Variants in PKM observed in about 807,000 individuals in gnomAD.
PKM encodes pyruvate kinase PKM.
A neutral mutation model predicts 49.8 loss-of-function variants in PKM; 18 were observed. That is an observed-to-expected ratio of 0.36 (90% CI 0.25 to 0.54). PKM has a LOEUF of 0.54. Among genes scored for constraint, PKM ranks in the 20% least tolerant of loss-of-function variants. The probability of loss-of-function intolerance (pLI) is 0.89; values close to 1 mark genes in which losing one functional copy is unlikely to be tolerated. For missense variants in PKM, 508 were observed against 713.8 expected (o/e 0.71, Z 3.28); for synonymous variants, 239 against 261.8 (o/e 0.91, Z 0.84).
Position 72,202,176 on chromosome 15 carries a change from C to A in PKM, c.1307+278G>T. The A allele has an allele frequency of 8.1e-6, 4 of 491,212 alleles. No homozygotes were observed. Among genetic ancestry groups the A allele is most frequent in the East Asian group, 3.6e-5 (1 of 27,584 alleles). The allele number at this position is 491,212 out of a possible 1,614,324, so 30.4% of individuals were successfully genotyped here. On this transcript the variant is annotated intron_variant, in intron 9 of 10. Coordinates refer to ENST00000335181, the MANE Select transcript of PKM (RefSeq NM_002654.6). This position sits in a 1 kb window ranked among gnomAD's most constrained non-coding sequence, Gnocchi z 4.5. ...GACTAAATTTTCAATATCAAATAAC[C>A]ATTTGTAGTCAGCCTGTGCACTGTT... is the stretch of plus-strand genomic sequence containing the variant.
Position 72,199,674 on chromosome 15 carries a change from G to A in PKM, c.1572C>T (p.Thr524=), listed in dbSNP as rs149525472. 5.6e-6 allele frequency: 9 copies of A among 1,612,740 alleles called. No individual in the cohort carries two copies. The highest frequency in any genetic ancestry group is 7.6e-6 in the Non-Finnish European group (9 of 1,179,002). Residue 524 remains threonine, a synonymous_variant, in exon 11 of 11, where the codon ACC becomes ACT. Coordinates refer to ENST00000335181, the MANE Select transcript of PKM (RefSeq NM_002654.6). The part of the protein sequence containing the change: ...GWRPGSGFTN[T]MRVVPVP ...ATCACGGCACAGGAACAACACGCATGGTGTTGGTGAAGCCGGAGCCAGGGC... is the reference window on the plus strand; with the variant it reads ...ATCACGGCACAGGAACAACACGCATAGTGTTGGTGAAGCCGGAGCCAGGGC...
intron 1 of PKM, 27 bp from the exon 2 acceptor site, chr15:72,219,137 T>C: frequency 6.2e-7 from 1 of 1,601,636 alleles, no homozygotes; most frequent in East Asian, 2.2e-5. Flanking sequence ...TGAAAGAGAG[T>C]GGTAAGACTG....
intron 1 of PKM, among the ~76,000 whole-genome samples, chr15:72,223,918 T>TA (rs11432818): frequency 0.65 from 90,506 of 140,296 alleles, 28,985 homozygotes; most frequent in Middle Eastern, 0.76. Context: ...TCCCTGGCTT[T>TA]AAAAAAAAAA....
At chr15:72,206,585 A>C in intron 8 of PKM, 143 bp downstream of exon 8, 1 of 771,310 alleles carries the variant, frequency 1.3e-6, no homozygotes, top group Non-Finnish European at 2.1e-6. Flanking sequence ...TTCCACCCCC[A>C]CCCTCTTGCT....
intron 3 of PKM, among the ~76,000 whole-genome samples, chr15:72,216,212 C>A (rs780212744): frequency 2.2e-4 from 34 of 152,228 alleles, no homozygotes; most frequent in Admixed American, 3.9e-4. Context: ...ATTTTCTTTA[C>A]TCTCAACAGG....
At chr15:72,219,589 G>C (rs1490220686) in intron 1 of PKM, among the ~76,000 whole-genome samples, 1 of 152,206 alleles carries the variant, frequency 6.6e-6, no homozygotes, top group African/African-American at 2.4e-5. Context: ...ACAAATAGCT[G>C]CTTTGTCGTG....
chr15:72,228,523 G>A lies in PKM; in HGVS notation c.-14+2593C>T, dbSNP rs1200727123. 4 of 596,290 alleles carry A rather than the reference G, an allele frequency of 6.7e-6. No homozygotes were observed. In the East Asian group the frequency reaches 2.0e-4, roughly 30 times the overall value. The allele number at this position is 596,290 out of a possible 1,614,324, so 36.9% of individuals were successfully genotyped here. A position where few individuals can be genotyped will look rare whatever the true frequency, so the allele number is the denominator to read the frequency against. Reference sequence around the variant, plus strand: ...GCTTCATTATCTGACTCACTGAAAGGGGAGAAGGGACTTTTTAAGCCTGCA... The same window carrying A: ...GCTTCATTATCTGACTCACTGAAAGAGGAGAAGGGACTTTTTAAGCCTGCA... On this transcript the variant is annotated intron_variant, in intron 1 of 10. Coordinates refer to ENST00000335181, the MANE Select transcript of PKM (RefSeq NM_002654.6).
intron 1 of PKM, chr15:72,229,560 T>C (rs2082785133): frequency 3.1e-6 from 4 of 1,288,058 alleles, no homozygotes; most frequent in Non-Finnish European, 4.1e-6. Flanking sequence ...ACTGAGTCTT[T>C]AAATGATCTT....
chr15:72,204,983 G>C (rs2082035388), intron 8 of PKM, among the ~76,000 whole-genome samples: 1 of 152,176 alleles, frequency 6.6e-6, no homozygotes, highest in South Asian at 2.1e-4. Context: ...TGGCAATTGT[G>C]AGACTGCGCC....
intron 3 of PKM, among the ~76,000 whole-genome samples, chr15:72,213,873 A>G (rs1471991817): frequency 6.6e-6 from 1 of 152,234 alleles, no homozygotes; most frequent in African/African-American, 2.4e-5. Context: ...AAAATCTCCA[A>G]TGTGTAGGAA....
intron 1 of PKM, among the ~76,000 whole-genome samples, chr15:72,223,731 A>AATGAC (rs2082588061): frequency 6.6e-6 from 1 of 152,170 alleles, no homozygotes; most frequent in African/African-American, 2.4e-5. Flanking sequence ...AGTTAAGGGT[A>AATGAC]ATGACAATAA....
At position 72,209,817 on chromosome 15, in the gene PKM, TGA is replaced by T; in HGVS notation, c.419_420del (p.Leu140GlnfsTer6). On this transcript the variant is annotated frameshift_variant, in exon 5 of 11. Transcript: ENST00000335181. LOFTEE classifies it high-confidence loss of function. The part of the protein sequence containing the change: ...AEVELKKGAT[L>X]KITLDNAYME... ...ATGTAGGCGTTATCCAGCGTGATTT[TGA>T]GAGTGGCTCCCTTCTTCAGCTCCAC... 1.2e-6 allele frequency: 2 copies of T among 1,614,124 alleles called. No individual in the cohort carries two copies. The highest frequency in any genetic ancestry group is 1.7e-6 in the Non-Finnish European group (2 of 1,180,024).
At chr15:72,227,744 CAAA>C (rs34876633) in intron 1 of PKM, among the ~76,000 whole-genome samples, 359 of 10,668 alleles carry the variant, frequency 0.034, 1 homozygote, top group East Asian at 0.15. Context: ...AAAACTATCT[CAAA>C]AAAAAAAAAA....
At chr15:72,209,572 ATC>A (rs1327670526) in intron 5 of PKM, 99 bp downstream of exon 5, 1 of 958,984 alleles carries the variant, frequency 1.0e-6, no homozygotes, top group Non-Finnish European at 1.7e-6. Flanking sequence ...CACAGACTCA[ATC>A]TCACTGCCAG....
chr15:72,213,636 G>A (rs1382132273), intron 3 of PKM, among the ~76,000 whole-genome samples: 2 of 152,114 alleles, frequency 1.3e-5, no homozygotes, highest in Non-Finnish European at 2.9e-5. Context: ...TCACCATGTT[G>A]GCCAGGCTGG....
chr15:72,200,340 G>A lies in PKM; in HGVS notation c.1489+134C>T, dbSNP rs2081910620. The A allele has an allele frequency of 2.6e-6, 2 of 771,360 alleles. No individual in the cohort carries two copies. The highest frequency in any genetic ancestry group is 4.5e-6 in the Non-Finnish European group (2 of 446,166). 47.8% of individuals were successfully genotyped at this position (771,360 alleles called of 1,614,324 possible). ...ACATTCCCAATAAGGGAGAGGAACA[G>A]TCGCTGGGCCTTTTGCCCCACTAAG... On this transcript the variant is annotated intron_variant, in intron 10 of 10. Coordinates refer to ENST00000335181, the MANE Select transcript of PKM (RefSeq NM_002654.6). This position sits in a 1 kb window ranked among gnomAD's most constrained non-coding sequence, Gnocchi z 4.6.
rs1456758103 is a variant in PKM, at chr15:72,202,888, T to G, written c.1141-268A>C. The G allele has an allele frequency of 1.0e-6, 1 of 961,470 alleles. No homozygotes were observed. The highest frequency in any genetic ancestry group is 1.6e-6 in the Non-Finnish European group (1 of 606,588). 59.6% of individuals were successfully genotyped at this position (961,470 alleles called of 1,614,324 possible). On this transcript the variant is annotated intron_variant, in intron 8 of 10. Coordinates refer to ENST00000335181, the MANE Select transcript of PKM (RefSeq NM_002654.6). This position sits in a 1 kb window ranked among gnomAD's most constrained non-coding sequence, Gnocchi z 4.5. ...CCTTTGGTCCTGCCCTGCCATGACCTCCCTGGCGGTGTTCCTACAGACGAG... is the reference window on the plus strand; with the variant it reads ...CCTTTGGTCCTGCCCTGCCATGACCGCCCTGGCGGTGTTCCTACAGACGAG...
chr15:72,209,693 G>A lies in PKM; in HGVS notation c.545C>T (p.Ser182Phe). The change falls in exon 5 of 11, where the codon TCT becomes TTT. Residue 182 changes from serine (S) to phenylalanine (F), a missense_variant. Coordinates refer to ENST00000335181, the MANE Select transcript of PKM (RefSeq NM_002654.6). ...CGTACCTTTCTGCTTCACCTGGAGAGAAATAAGCCCATCATCCACGTAGAT... is the reference window on the plus strand; with the variant it reads ...CGTACCTTTCTGCTTCACCTGGAGAAAAATAAGCCCATCATCCACGTAGAT... ...SKIYVDDGLISLQVKQKGADF... is the reference protein window; with the variant it reads ...SKIYVDDGLIFLQVKQKGADF... 1 of 1,613,682 alleles carries A rather than the reference G, an allele frequency of 6.2e-7. No homozygotes were observed. The highest frequency in any genetic ancestry group is 1.3e-5 in the African/African-American group (1 of 74,938).
intron 9 of PKM, chr15:72,201,564 A>AC (rs1301733084): frequency 6.6e-6 from 1 of 152,358 alleles, no homozygotes; most frequent in Non-Finnish European, 1.5e-5. Context: ...TGAAGCCAGG[A>AC]CCAGCTGAGT....
Sources: gnomAD v4.1 joint callset for allele counts (sites outside exome capture counted in the v4.1 genomes callset) on GRCh38, gnomAD v4.1.1 for gene constraint, Gnocchi (gnomAD v3.1) non-coding constraint, MANE v1.5 for transcripts, NCBI Gene and HGNC (gene_info 2026-07-23, HGNC 2026-07-21) for gene names.